ARHGAP33: variants seen among roughly 807,000 people sequenced by gnomAD.
ARHGAP33 encodes Rho GTPase activating protein 33.
In ARHGAP33, 57 loss-of-function variants were observed where a neutral mutation model predicts 126.2. The observed-to-expected ratio is 0.45, with a 90% CI of 0.36 to 0.56. ARHGAP33 has a LOEUF of 0.56. Ranked by LOEUF, ARHGAP33 falls within the 20% of genes least tolerant of loss-of-function variation. The probability of loss-of-function intolerance (pLI) is 0.00; values close to 1 mark genes in which losing one functional copy is unlikely to be tolerated. For synonymous variants in ARHGAP33, 711 were observed against 755.0 expected (o/e 0.94, Z 0.95); for missense variants, 1,500 against 1,748.3 (o/e 0.86, Z 2.53).
Position 35,784,912 on chromosome 19 carries a change from G to A in ARHGAP33, c.1568-41G>A, listed in dbSNP as rs1387886624. On this transcript the variant is annotated intron_variant, in intron 16 of 20. Coordinates refer to ENST00000007510, the MANE Select transcript of ARHGAP33 (RefSeq NM_001366178.1). ...CTTGGCTTTGCCTGTGGCCTTGGGC[G>A]GCCCCAGAGCTGACAGCTGCCCCCT... is the stretch of plus-strand genomic sequence containing the variant. 25 of 1,504,206 alleles carry A rather than the reference G, an allele frequency of 1.7e-5. No individual in the cohort carries two copies. In the Admixed American group the frequency reaches 4.6e-4, roughly 27 times the overall value. The allele number at this position is 1,504,206 out of a possible 1,614,324, so 93.2% of individuals were successfully genotyped here.
At chr19:35,778,703 T>C in intron 5 of ARHGAP33, 102 bp downstream of exon 5, 1 of 1,439,614 alleles carries the variant, frequency 6.9e-7, no homozygotes, top group African/African-American at 1.4e-5. Context: ...AATACTGGTA[T>C]GGCCCAAGTC....
In ARHGAP33 at chr19:35,787,453, T is replaced by A; in HGVS notation, c.2888T>A (p.Val963Asp). ...PNSLAHPGAWVPGPPPYLPRQ... is the reference protein window; with the variant it reads ...PNSLAHPGAWDPGPPPYLPRQ... ...TCCCTAGCACACCCGGGTGCCTGGG[T>A]CCCGGGACCCCCACCCTACTTACCA... The change falls in exon 21 of 21, where the codon GTC becomes GAC. Residue 963 changes from valine (V) to aspartate (D), a missense_variant. By Grantham distance (152) the Val-to-Asp change is radical. This residue lies in a region of ARHGAP33 where 642 missense variants were observed against 634.0 expected (regional missense o/e 1.01). Coordinates refer to ENST00000007510, the MANE Select transcript of ARHGAP33 (RefSeq NM_001366178.1). 6.2e-7 allele frequency: 1 copy of A among 1,612,044 alleles called. No homozygotes were observed. Among genetic ancestry groups the A allele is most frequent in the Non-Finnish European group, 8.5e-7 (1 of 1,179,302 alleles).
At chr19:35,780,128 C>T (rs1159099885) in intron 6 of ARHGAP33, 83 bp from the exon 7 acceptor site, 15 of 1,568,378 alleles carry the variant, frequency 9.6e-6, no homozygotes, top group Non-Finnish European at 1.3e-5. Flanking sequence ...GGGCAGTGGC[C>T]TCACCCAGCG....
intron 16 of ARHGAP33, chr19:35,784,719 A>G: frequency 1.6e-6 from 2 of 1,228,804 alleles, no homozygotes; most frequent in South Asian, 4.0e-5. Context: ...AACTGAAGCC[A>G]GAGCCGCTGC....
At chr19:35,777,570 C>G (rs764633666) in intron 1 of ARHGAP33, 75 bp from the exon 2 acceptor site, 1 of 1,286,324 alleles carries the variant, frequency 7.8e-7, no homozygotes, top group Non-Finnish European at 1.1e-6. Flanking sequence ...TCTGGACCCG[C>G]GCTGCCAGAT....
Position 35,785,493 on chromosome 19 carries a change from G to A in ARHGAP33, c.1942+10G>A, listed in dbSNP as rs899066134. 6.2e-7 allele frequency: 1 copy of A among 1,614,158 alleles called. No individual in the cohort carries two copies. The highest frequency in any genetic ancestry group is 2.2e-5 in the East Asian group (1 of 44,886). ...CAGGCCAGCGGGGCTGGTGAGCAAG[G>A]CGGGCAATTGGGGGGCGCTACCTGT... On this transcript the variant is annotated intron_variant, in intron 19 of 20. Coordinates refer to ENST00000007510, the MANE Select transcript of ARHGAP33 (RefSeq NM_001366178.1).
Position 35,780,249 on chromosome 19 carries a change from G to C in ARHGAP33, c.540G>C (p.Glu180Asp). The C allele has an allele frequency of 6.2e-7, 1 of 1,614,006 alleles. No individual in the cohort carries two copies. Among genetic ancestry groups the C allele is most frequent in the Non-Finnish European group, 8.5e-7 (1 of 1,180,014 alleles). ...GCCGGCGACTGCTCCTCAGTGAGGA[G>C]GCGTCACTCAATATCCCTGCAGTGG... ...NHGRRLLLSEEASLNIPAVAA... is the reference protein window; with the variant it reads ...NHGRRLLLSEDASLNIPAVAA... The change falls in exon 7 of 21, where the codon GAG becomes GAC. Residue 180 changes from glutamate to aspartate, a missense_variant. By Grantham distance (45) the Glu-to-Asp change is conservative. Coordinates refer to ENST00000007510, the MANE Select transcript of ARHGAP33 (RefSeq NM_001366178.1).
chr19:35,785,882 G>GGT (rs1202537590), intron 19 of ARHGAP33: 11 of 1,126,384 alleles, frequency 9.8e-6, no homozygotes, highest in Middle Eastern at 7.9e-4. Flanking sequence ...ATCATACACA[G>GGT]GTGTGTGTGT....
rs1389053831 is a variant in ARHGAP33, at chr19:35,786,123, G to A, written c.1943-290G>A. ...CACCGCGCCATCCTCACACTCCTGG[G>A]GTACTGCCCTCCCACATACCCAGGA... is the stretch of plus-strand genomic sequence containing the variant. On this transcript the variant is annotated intron_variant, in intron 19 of 20. Transcript: ENST00000007510. This position sits in a 1 kb window ranked among gnomAD's most constrained non-coding sequence, Gnocchi z 7.0. 2 of 1,305,836 alleles carry A rather than the reference G, an allele frequency of 1.5e-6. No homozygotes were observed. The highest frequency in any genetic ancestry group is 3.0e-5 in the African/African-American group (2 of 66,652). 80.9% of individuals were successfully genotyped at this position (1,305,836 alleles called of 1,614,324 possible). A position where few individuals can be genotyped will look rare whatever the true frequency, so the allele number is the denominator to read the frequency against.
chr19:35,781,292 C>A, intron 12 of ARHGAP33, 40 bp downstream of exon 12: 2 of 1,585,424 alleles, frequency 1.3e-6, no homozygotes, highest in Non-Finnish European at 1.7e-6. Context: ...CACAGGCACT[C>A]ACCCAGCACC....
chr19:35,781,322 G>A, intron 12 of ARHGAP33, 70 bp downstream of exon 12: 2 of 1,475,278 alleles, frequency 1.4e-6, no homozygotes, highest in Admixed American at 1.7e-5. Context: ...GCCCCGTGCT[G>A]CATGCTGGGG....
In ARHGAP33 at chr19:35,778,159, C is replaced by T. The variant is rs1005927929; in HGVS notation, c.190-121C>T. On this transcript the variant is annotated intron_variant, in intron 3 of 20. Transcript: ENST00000007510. ...TGCTCTATGTCAGGGACCAGGACAT[C>T]ACCAGGCCCTGTCCTCGGGGAGGTC... 2.7e-5 allele frequency: 28 copies of T among 1,047,974 alleles called. No individual in the cohort carries two copies. The African/African-American group carries it at 3.0e-4, about 11-fold the overall frequency. 64.9% of individuals were successfully genotyped at this position (1,047,974 alleles called of 1,614,324 possible).
In ARHGAP33 at chr19:35,786,245, G is replaced by A; in HGVS notation, c.1943-168G>A. On this transcript the variant is annotated intron_variant, in intron 19 of 20. Coordinates refer to ENST00000007510, the MANE Select transcript of ARHGAP33 (RefSeq NM_001366178.1). This position sits in a 1 kb window ranked among gnomAD's most constrained non-coding sequence, Gnocchi z 7.0. ...CAGCCACAGGGCCTTCGTGCTTTGGGCCGGAAGTGTCCTCTTCATGGTCTC... is the reference window on the plus strand; with the variant it reads ...CAGCCACAGGGCCTTCGTGCTTTGGACCGGAAGTGTCCTCTTCATGGTCTC... 7.0e-7 allele frequency: 1 copy of A among 1,424,828 alleles called. No individual in the cohort carries two copies. The highest frequency in any genetic ancestry group is 9.1e-7 in the Non-Finnish European group (1 of 1,094,164). The allele number at this position is 1,424,828 out of a possible 1,614,324, so 88.3% of individuals were successfully genotyped here.
In ARHGAP33 at chr19:35,783,608, G is replaced by A. The variant is rs79057805; in HGVS notation, c.1422-564G>A. 4.1e-3 allele frequency among the ~76,000 whole-genome samples: 619 copies of A among 152,228 alleles called. 31 individuals carry two copies. In the East Asian group the frequency reaches 0.11, roughly 26 times the overall value. ...AGCTGCAGGGAGGCCGGTGTGGCTG[G>A]AGCTGAGTGAGTGAGGGGCTGAGGG... On this transcript the variant is annotated intron_variant, in intron 15 of 20. Coordinates refer to ENST00000007510, the MANE Select transcript of ARHGAP33 (RefSeq NM_001366178.1).
Position 35,786,653 on chromosome 19 carries a change from C to A in ARHGAP33, c.2183C>A (p.Pro728Gln), listed in dbSNP as rs993322246. The A allele has an allele frequency of 5.2e-6, 8 of 1,535,732 alleles. No homozygotes were observed. The highest frequency in any genetic ancestry group is 4.4e-6 in the Non-Finnish European group (5 of 1,146,792). ...GATGGTGATGAGCTGGACTTCAGCC[C>A]ACCCCGCTGCCTGGAGGGACTCCGG... ...LDDGDELDFS[P>Q]PRCLEGLRGL... The change falls in exon 20 of 21, where the codon CCA becomes CAA. Residue 728 changes from proline (P) to glutamine (Q), a missense_variant. Transcript: ENST00000007510. The surrounding 1 kb of genome is among the most constrained non-coding windows in gnomAD (Gnocchi z 7.0).
intron 15 of ARHGAP33, among the ~76,000 whole-genome samples, chr19:35,783,848 T>G (rs1971937695): frequency 8.1e-6 from 1 of 123,754 alleles, no homozygotes; most frequent in African/African-American, 3.1e-5. Context: ...AAGGAGGCTC[T>G]GGGATGTCCA....
At chr19:35,778,202 C>A in intron 3 of ARHGAP33, 78 bp from the exon 4 acceptor site, 1 of 1,493,056 alleles carries the variant, frequency 6.7e-7, no homozygotes, top group Non-Finnish European at 9.3e-7. Flanking sequence ...GAGTCACAAA[C>A]CCGTCCCTAG....
intron 1 of ARHGAP33, among the ~76,000 whole-genome samples, chr19:35,777,280 G>C (rs1971504656): frequency 6.6e-6 from 1 of 152,014 alleles, no homozygotes; most frequent in African/African-American, 2.4e-5. Context: ...GGAGGGGAGA[G>C]GCTGGAAGCA....
rs201007379 is a variant in ARHGAP33, at chr19:35,780,517, G to A, written c.702+19G>A. The A allele has an allele frequency of 5.5e-5, 89 of 1,610,696 alleles. No individual in the cohort carries two copies. The East Asian group carries it at 5.6e-4, about 10-fold the overall frequency. On this transcript the variant is annotated intron_variant, in intron 8 of 20. Coordinates refer to ENST00000007510, the MANE Select transcript of ARHGAP33 (RefSeq NM_001366178.1). Reference sequence around the variant, plus strand: ...CTTCCAGGTGAGTCCAGCTGGGCGCGGACAGGTGGGGCTGGGGTACCTGCC... The same window carrying A: ...CTTCCAGGTGAGTCCAGCTGGGCGCAGACAGGTGGGGCTGGGGTACCTGCC...
Sources: allele counts gnomAD v4.1 joint callset (sites outside exome capture counted in the v4.1 genomes callset), GRCh38; gene constraint gnomAD v4.1.1; regional missense constraint gnomAD v4.1.1; non-coding constraint Gnocchi (gnomAD v3.1); transcripts MANE v1.5; gene names NCBI Gene and HGNC (gene_info 2026-07-23, HGNC 2026-07-21).